FBXL19: variants seen among roughly 807,000 people sequenced by gnomAD.
FBXL19 encodes the protein F-box/LRR-repeat protein 19.
FBXL19 carries 16 observed loss-of-function variants against 71.2 expected under a neutral mutation model. The ratio of observed to expected loss-of-function variants is 0.22; its 90% CI spans 0.15 to 0.34. The LOEUF is 0.34. Ranked by LOEUF, FBXL19 falls within the 10% of genes least tolerant of loss-of-function variation. The probability of loss-of-function intolerance (pLI) is 1.00; values close to 1 mark genes in which losing one functional copy is unlikely to be tolerated. For missense variants in FBXL19, 658 were observed against 968.2 expected, an observed-to-expected ratio of 0.68 and a Z score of 4.25; for synonymous variants, 447 against 409.4, an observed-to-expected ratio of 1.09 and a Z score of -1.11.
Position 30,942,072 on chromosome 16 carries a change from A to C in FBXL19, c.1302-44A>C, listed in dbSNP as rs1325459941. The C allele has an allele frequency of 6.7e-7, 1 of 1,487,058 alleles. No individual in the cohort carries two copies. The highest frequency in any genetic ancestry group is 9.0e-7 in the Non-Finnish European group (1 of 1,114,190). The allele number at this position is 1,487,058 out of a possible 1,614,324, so 92.1% of individuals were successfully genotyped here. A position where few individuals can be genotyped will look rare whatever the true frequency, so the allele number is the denominator to read the frequency against. On this transcript the variant is annotated intron_variant, in intron 7 of 10. Coordinates refer to ENST00000338343, the MANE Select transcript of FBXL19 (RefSeq NM_001382779.1). This position sits in a 1 kb window ranked among gnomAD's most constrained non-coding sequence, Gnocchi z 5.7. ...GGAGCCTGGGAACTGTGGGCTGCTG[A>C]GAGCTGAGGGCTGAGGTCTCTGTCT...
Position 30,942,342 on chromosome 16 carries a change from A to G in FBXL19, c.1466-33A>G, listed in dbSNP as rs993390550. On this transcript the variant is annotated intron_variant, in intron 8 of 10. Coordinates refer to ENST00000338343, the MANE Select transcript of FBXL19 (RefSeq NM_001382779.1). The surrounding 1 kb of genome is among the most constrained non-coding windows in gnomAD (Gnocchi z 5.7). ...GACAGGCCTGGGATGGAGTCCTCAC[A>G]GCACCTGCTTCCTGACTGCCCCCTC... The G allele has an allele frequency of 6.2e-7, 1 of 1,605,184 alleles. No homozygotes were observed. Among genetic ancestry groups the G allele is most frequent in the Non-Finnish European group, 8.5e-7 (1 of 1,174,940 alleles).
Position 30,925,814 on chromosome 16 carries a change from C to T in FBXL19, c.60C>T (p.Arg20=), listed in dbSNP as rs898802750. The change falls in exon 2 of 11, where the codon CGC becomes CGT. Residue 20 remains arginine, a synonymous_variant. Transcript: ENST00000338343. The surrounding 1 kb of genome is among the most constrained non-coding windows in gnomAD (Gnocchi z 5.0). ...CGCGCCGACGCCGAACCCGCTGCCG[C>T]CGCTGCCGGGCCTGTGTGCGAACTG... ...AGARRRRTRC[R]RCRACVRTEC... 18 of 1,499,144 alleles carry T rather than the reference C, an allele frequency of 1.2e-5. No homozygotes were observed. The highest frequency in any genetic ancestry group is 1.6e-5 in the Non-Finnish European group (18 of 1,126,804). 92.9% of individuals were successfully genotyped at this position (1,499,144 alleles called of 1,614,324 possible).
At chr16:30,928,067 G>T (rs2055619592) in intron 5 of FBXL19, 104 bp downstream of exon 5, 4 of 773,858 alleles carry the variant, frequency 5.2e-6, no homozygotes, top group African/African-American at 1.8e-5. Flanking sequence ...GTGCTCTGTG[G>T]GTTCCCCAAG....
chr16:30,936,261 A>G (rs2055731319), intron 7 of FBXL19, among the ~76,000 whole-genome samples: 1 of 152,078 alleles, frequency 6.6e-6, no homozygotes, highest in Non-Finnish European at 1.5e-5. Context: ...ATGGCCTGGC[A>G]TTCCAGCCCT....
chr16:30,929,463 C>A (rs967777503), intron 6 of FBXL19, among the ~76,000 whole-genome samples: 19 of 152,218 alleles, frequency 1.2e-4, no homozygotes, highest in African/African-American at 4.6e-4. Flanking sequence ...GAGTTGAGGG[C>A]AAGCCAGGAT....
intron 7 of FBXL19, among the ~76,000 whole-genome samples, chr16:30,932,316 C>G (rs1215345383): frequency 6.6e-6 from 1 of 152,192 alleles, no homozygotes. Context: ...TAAGCTGCAA[C>G]ATAGAAGCAG....
intron 5 of FBXL19, 22 bp from the exon 6 acceptor site, chr16:30,928,445 T>C (rs1237789820): frequency 6.5e-7 from 1 of 1,541,546 alleles, no homozygotes; most frequent in South Asian, 1.2e-5. Context: ...CCTTCCTCCA[T>C]ATCTCCCTCT....
At chr16:30,933,821 C>T (rs1046460915) in intron 7 of FBXL19, among the ~76,000 whole-genome samples, 3 of 149,366 alleles carry the variant, frequency 2.0e-5, no homozygotes, top group South Asian at 4.2e-4. Context: ...GGCATGATCT[C>T]GGCTCGCCAC....
intron 7 of FBXL19, among the ~76,000 whole-genome samples, chr16:30,934,503 C>G (rs1331315300): frequency 6.6e-6 from 1 of 151,856 alleles, no homozygotes; most frequent in Non-Finnish European, 1.5e-5. Flanking sequence ...GCTAAAAATA[C>G]AAAAATTAGC....
Position 30,938,767 on chromosome 16 carries a change from G to A in FBXL19, c.1302-3349G>A, listed in dbSNP as rs575652897. Among the ~76,000 whole-genome samples the A allele has an allele frequency of 1.9e-3, 289 of 151,832 alleles. 1 individual carries two copies. Among genetic ancestry groups the A allele is most frequent in the African/African-American group, 5.9e-3 (245 of 41,340 alleles). ...TTCTCCTGCCTCAGCCTCCTGAGTA[G>A]CTGGGACTACAGGCGCCTGCCACCA... On this transcript the variant is annotated intron_variant, in intron 7 of 10. Coordinates refer to ENST00000338343, the MANE Select transcript of FBXL19 (RefSeq NM_001382779.1).
Position 30,930,300 on chromosome 16 carries a change from C to T in FBXL19, c.1017C>T (p.Gly339=), listed in dbSNP as rs1408096281. Residue 339 remains glycine (G), a synonymous_variant, in exon 7 of 11, where the codon GGC becomes GGT. Transcript: ENST00000338343. This position sits in a 1 kb window ranked among gnomAD's most constrained non-coding sequence, Gnocchi z 8.5. The part of the protein sequence containing the change: ...EARNGRRPAR[G]SSGEKENRGG... ...GGAATGGGCGACGGCCAGCCCGGGG[C>T]AGCTCTGGCGAGAAGGAGAACCGTG... The T allele has an allele frequency of 1.2e-6, 2 of 1,611,044 alleles. No individual in the cohort carries two copies. The highest frequency in any genetic ancestry group is 1.7e-6 in the Non-Finnish European group (2 of 1,178,814).
intron 7 of FBXL19, among the ~76,000 whole-genome samples, chr16:30,936,157 C>G (rs1199703892): frequency 6.6e-6 from 1 of 152,208 alleles, no homozygotes; most frequent in East Asian, 1.9e-4. Flanking sequence ...GAGTGACTTG[C>G]CTGAGGCCCC....
Position 30,942,044 on chromosome 16 carries a change from TG to T in FBXL19, c.1302-68del. ...GAGAGCTGGGGTGCACCCTTGGAGCTGGGGAGCCTGGGAACTGTGGGCTGCT... is the reference window on the plus strand; with the variant it reads ...GAGAGCTGGGGTGCACCCTTGGAGCTGGGAGCCTGGGAACTGTGGGCTGCT... On this transcript the variant is annotated intron_variant, in intron 7 of 10. Coordinates refer to ENST00000338343, the MANE Select transcript of FBXL19 (RefSeq NM_001382779.1). This position sits in a 1 kb window ranked among gnomAD's most constrained non-coding sequence, Gnocchi z 5.7. 6.9e-7 allele frequency: 1 copy of T among 1,439,764 alleles called. No homozygotes were observed. The allele number at this position is 1,439,764 out of a possible 1,614,324, so 89.2% of individuals were successfully genotyped here.
In FBXL19 at chr16:30,947,300, G is replaced by C; in HGVS notation, c.*70G>C. 7.5e-7 allele frequency: 1 copy of C among 1,335,334 alleles called. No individual in the cohort carries two copies. The highest frequency in any genetic ancestry group is 1.0e-6 in the Non-Finnish European group (1 of 999,926). The allele number at this position is 1,335,334 out of a possible 1,614,324, so 82.7% of individuals were successfully genotyped here. On this transcript the variant is annotated 3_prime_UTR_variant, in exon 11 of 11. Coordinates refer to ENST00000338343, the MANE Select transcript of FBXL19 (RefSeq NM_001382779.1). ...CTCCGGCTTCATTTCACCCCTGCTG[G>C]GAGGCCAGGTTCCCACCTCACCACC...
intron 1 of FBXL19, 117 bp downstream of exon 1, chr16:30,924,576 A>G (rs774173428): frequency 1.4e-5 from 19 of 1,346,142 alleles, no homozygotes; most frequent in Non-Finnish European, 1.8e-5. Flanking sequence ...CTCTACTCCA[A>G]ACTCATCTCC....
chr16:30,937,411 A>C (rs1200693553), intron 7 of FBXL19, among the ~76,000 whole-genome samples: 1 of 151,756 alleles, frequency 6.6e-6, no homozygotes, highest in African/African-American at 2.4e-5. Context: ...GGTGACTCTT[A>C]CCATGCCCCT....
chr16:30,943,367 A>ATTTTTTTTTTT (rs34002102), intron 9 of FBXL19, among the ~76,000 whole-genome samples: 7 of 67,576 alleles, frequency 1.0e-4, no homozygotes, highest in East Asian at 5.6e-4. Context: ...TTTTTTTGTA[A>ATTTTTTTTTTT]TTTTTTTTTT....
chr16:30,927,802 T>G lies in FBXL19; in HGVS notation c.466T>G (p.Leu156Val). The G allele has an allele frequency of 6.4e-7, 1 of 1,552,402 alleles. No homozygotes were observed. ...RADNGEEGASLGSGWKLTEEP... is the reference protein window; with the variant it reads ...RADNGEEGASVGSGWKLTEEP... ...CGACAACGGCGAGGAGGGCGCCAGCTTGGGGAGCGGATGGAAGCTGACAGA... is the reference window on the plus strand; with the variant it reads ...CGACAACGGCGAGGAGGGCGCCAGCGTGGGGAGCGGATGGAAGCTGACAGA... Residue 156 changes from leucine (L) to valine (V), a missense_variant, in exon 5 of 11, where the codon TTG becomes GTG. This residue lies in a region of FBXL19 where 447 missense variants were observed against 515.4 expected (regional missense o/e 0.87). Transcript: ENST00000338343.
intron 7 of FBXL19, among the ~76,000 whole-genome samples, chr16:30,940,944 C>T (rs2055795780): frequency 6.6e-6 from 1 of 151,936 alleles, no homozygotes; most frequent in South Asian, 2.1e-4. Context: ...GCTGGGATTA[C>T]AGGTGTGAGC....
Sources: gnomAD v4.1 joint callset for allele counts (sites outside exome capture counted in the v4.1 genomes callset) on GRCh38, gnomAD v4.1.1 for gene constraint, gnomAD v4.1.1 regional missense constraint, Gnocchi (gnomAD v3.1) non-coding constraint, MANE v1.5 for transcripts, NCBI Gene and HGNC (gene_info 2026-07-23, HGNC 2026-07-21) for gene names.